NCAPG2: variants seen among roughly 807,000 people sequenced by gnomAD.
The protein encoded by NCAPG2 is non-SMC condensin II complex subunit G2.
Under a neutral mutation model 141.1 loss-of-function variants are expected in NCAPG2, and 53 were observed. The observed-to-expected ratio is 0.38, with a 90% CI of 0.30 to 0.47. The LOEUF (loss-of-function observed/expected upper bound fraction) is 0.47. NCAPG2 is among the 20% of genes least tolerant of loss of function. The pLI, the probability that NCAPG2 is intolerant of heterozygous loss-of-function variation, is 0.99. For synonymous variants in NCAPG2, 499 were observed against 490.7 expected (o/e 1.02, Z -0.22); for missense variants, 1,087 against 1,389.0 (o/e 0.78, Z 3.46).
At chr7:158,666,502 G>A (rs1832947999) in intron 13 of NCAPG2, among the ~76,000 whole-genome samples, 1 of 151,646 alleles carries the variant, frequency 6.6e-6, no homozygotes, top group Admixed American at 6.6e-5. Context: ...CCACTTTAAA[G>A]GTAAGAAGCA....
At chr7:158,669,228 C>G (rs745502971) in intron 13 of NCAPG2, among the ~76,000 whole-genome samples, 2 of 152,172 alleles carry the variant, frequency 1.3e-5, no homozygotes, top group Non-Finnish European at 2.9e-5. Context: ...CTTCAATGAA[C>G]ATACGCAAAC....
At chr7:158,654,768 C>T (rs1360655478) in intron 21 of NCAPG2, 74 bp from the exon 22 acceptor site, 3 of 1,525,458 alleles carry the variant, frequency 2.0e-6, no homozygotes, top group Admixed American at 2.2e-5. Context: ...CACAAAGCTT[C>T]TCCTATCCAT....
intron 19 of NCAPG2, 55 bp downstream of exon 19, chr7:158,656,200 CTTTGA>C (rs1831959325): frequency 2.6e-6 from 4 of 1,558,644 alleles, no homozygotes; most frequent in South Asian, 1.2e-5. Flanking sequence ...AAGCTTCACA[CTTTGA>C]TTTGTCACCC....
At chr7:158,662,089 T>A in intron 16 of NCAPG2, 105 bp downstream of exon 16, 1 of 1,106,666 alleles carries the variant, frequency 9.0e-7, no homozygotes, top group Non-Finnish European at 1.2e-6. Flanking sequence ...ATTTTACAGA[T>A]GAGAACACAG....
rs939196886 is a variant in NCAPG2 at position 158,633,421 on chromosome 7, G to A, written c.3381-1704C>T. ...CACCCACCACTATCACTCTGGAAGCGCCTGGGCCACCCTCTGTGTGGTTAT... is the reference window on the plus strand; with the variant it reads ...CACCCACCACTATCACTCTGGAAGCACCTGGGCCACCCTCTGTGTGGTTAT... On this transcript the variant is annotated intron_variant, in intron 27 of 27. Transcript: ENST00000356309. This position sits in a 1 kb window ranked among gnomAD's most constrained non-coding sequence, Gnocchi z 4.1. Among the ~76,000 whole-genome samples, 2 of 152,194 alleles carry A rather than the reference G, an allele frequency of 1.3e-5. No individual in the cohort carries two copies. Among genetic ancestry groups the A allele is most frequent in the Admixed American group, 6.5e-5 (1 of 15,286 alleles).
At chr7:158,700,400 A>AT (rs1007907728) in intron 2 of NCAPG2, among the ~76,000 whole-genome samples, 32 of 152,296 alleles carry the variant, frequency 2.1e-4, no homozygotes, top group African/African-American at 7.5e-4. Flanking sequence ...CACCAGTGTG[A>AT]TTTTGAGTTG....
At position 158,656,681 on chromosome 7, in the gene NCAPG2, T is replaced by C; in HGVS notation, c.2085A>G (p.Arg695=). 1 of 1,614,094 alleles carries C rather than the reference T, an allele frequency of 6.2e-7. No homozygotes were observed. The highest frequency in any genetic ancestry group is 2.2e-5 in the East Asian group (1 of 44,880). The part of the protein sequence containing the change: ...PFSCGVISTL[R]SREEGAVDKS... The stretch of plus-strand genomic sequence containing the variant: ...TGTCCACAGCGCCCTCCTCCCGGCT[T>C]CTCAGCGTGGAAATCACACCACAGC... The change falls in exon 18 of 28, where the codon AGA becomes AGG. Residue 695 remains arginine (R), a synonymous_variant. Transcript: ENST00000356309.
At chr7:158,662,169 C>T in intron 16 of NCAPG2, 25 bp downstream of exon 16, 1 of 1,564,958 alleles carries the variant, frequency 6.4e-7, no homozygotes, top group Middle Eastern at 2.2e-4. Context: ...ATATACCTTG[C>T]TTACAAGTAT....
intron 27 of NCAPG2, among the ~76,000 whole-genome samples, 173 bp downstream of exon 27, chr7:158,644,116 T>G (rs1209366757): frequency 6.6e-6 from 1 of 152,220 alleles, no homozygotes; most frequent in Non-Finnish European, 1.5e-5. Flanking sequence ...AATTAGCAAG[T>G]AAATTAAACG....
Position 158,680,825 on chromosome 7 carries a change from CA to C in NCAPG2, c.925-10del, listed in dbSNP as rs758047710. ...TGAAAGTAACTCAGAACCTAAGGACCAAAAAAAGGAAAAGGAAGGCATTAAC... is the reference window on the plus strand; with the variant it reads ...TGAAAGTAACTCAGAACCTAAGGACCAAAAAAGGAAAAGGAAGGCATTAAC... On this transcript the variant is annotated splice_polypyrimidine_tract_variant and intron_variant, in intron 9 of 27. Transcript: ENST00000356309. 2.6e-5 allele frequency: 41 copies of C among 1,555,138 alleles called. No homozygotes were observed. The highest frequency in any genetic ancestry group is 1.1e-4 in the South Asian group (9 of 80,820).
chr7:158,654,760 C>T (rs1831775038), intron 21 of NCAPG2, 66 bp from the exon 22 acceptor site: 2 of 1,547,528 alleles, frequency 1.3e-6, no homozygotes, highest in African/African-American at 1.4e-5. Flanking sequence ...TCCAGCCTCA[C>T]AAAGCTTCTC....
At chr7:158,657,596 C>A (rs1832091361) in intron 17 of NCAPG2, among the ~76,000 whole-genome samples, 1 of 152,176 alleles carries the variant, frequency 6.6e-6, no homozygotes, top group African/African-American at 2.4e-5. Flanking sequence ...TGCCTGGCCG[C>A]CCCTACTGGG....
intron 2 of NCAPG2, 119 bp downstream of exon 2, chr7:158,701,703 A>G: frequency 1.1e-6 from 1 of 899,128 alleles, no homozygotes; most frequent in East Asian, 2.7e-5. Context: ...CTTTCAAATA[A>G]ACATTGGTCG....
At chr7:158,674,117 C>T (rs1223288125) in intron 12 of NCAPG2, among the ~76,000 whole-genome samples, 1 of 152,098 alleles carries the variant, frequency 6.6e-6, no homozygotes, top group African/African-American at 2.4e-5. Flanking sequence ...CAGGCATGAG[C>T]CCAAATGTCT....
chr7:158,663,112 G>A (rs947620350), intron 15 of NCAPG2, among the ~76,000 whole-genome samples: 8 of 152,168 alleles, frequency 5.3e-5, no homozygotes, highest in Admixed American at 6.5e-5. Context: ...GCCAGTAAGC[G>A]GACATGCCCA....
At chr7:158,641,209 A>G in intron 27 of NCAPG2, 1 of 311,902 alleles carries the variant, frequency 3.2e-6, no homozygotes, top group Non-Finnish European at 5.8e-6. Context: ...ACAGAAAAGG[A>G]GTGGAAGACA....
rs1040521647 is a variant in NCAPG2 at position 158,664,676 on chromosome 7, C to A, written c.1554G>T (p.Leu518=). 5.6e-6 allele frequency: 9 copies of A among 1,614,004 alleles called. No homozygotes were observed. Among genetic ancestry groups the A allele is most frequent in the Non-Finnish European group, 7.6e-6 (9 of 1,180,030 alleles). The change falls in exon 14 of 28, where the codon CTG becomes CTT. Residue 518 remains leucine, a synonymous_variant. Coordinates refer to ENST00000356309, the MANE Select transcript of NCAPG2 (RefSeq NM_017760.7). ...ETDSRPVSRR[L]VSLIFNSFLP... ...GGAAAGAATTAAAGATGAGGCTCACCAGGCGCCGAGACACAGGTCGAGAAT... is the reference window on the plus strand; with the variant it reads ...GGAAAGAATTAAAGATGAGGCTCACAAGGCGCCGAGACACAGGTCGAGAAT...
intron 2 of NCAPG2, 83 bp downstream of exon 2, chr7:158,701,739 T>C: frequency 1.6e-6 from 2 of 1,250,334 alleles, no homozygotes; most frequent in Non-Finnish European, 1.1e-6. Context: ...GATAACTATG[T>C]TTCTTTTGGG....
chr7:158,680,797 T>C lies in NCAPG2; in HGVS notation c.944A>G (p.His315Arg), dbSNP rs754556370. The change falls in exon 10 of 28, where the codon CAT becomes CGT. Residue 315 changes from histidine (H) to arginine (R), a missense_variant. By Grantham distance (29) the His-to-Arg change is conservative. Coordinates refer to ENST00000356309, the MANE Select transcript of NCAPG2 (RefSeq NM_017760.7). ...KVREVLSYFH[H>R]QKKVRQGVEE... ...CACTCCCTGCCGAACTTTCTTTTGA[T>C]GGTGAAAGTAACTCAGAACCTAAGG... is the stretch of plus-strand genomic sequence containing the variant. 25 of 1,604,432 alleles carry C rather than the reference T, an allele frequency of 1.6e-5. No homozygotes were observed. Among genetic ancestry groups the C allele is most frequent in the African/African-American group, 2.7e-5 (2 of 74,630 alleles).
Sources: gnomAD v4.1 joint callset for allele counts (sites outside exome capture counted in the v4.1 genomes callset) on GRCh38, gnomAD v4.1.1 for gene constraint, Gnocchi (gnomAD v3.1) non-coding constraint, MANE v1.5 for transcripts, NCBI Gene and HGNC (gene_info 2026-07-23, HGNC 2026-07-21) for gene names.